Variants in PINLYP observed in about 807,000 individuals in gnomAD.
PINLYP encodes the protein phospholipase A2 inhibitor and LY6/PLAUR domain containing.
Under a neutral mutation model 15.8 loss-of-function variants are expected in PINLYP, and 12 were observed. The ratio of observed to expected loss-of-function variants is 0.76; its 90% CI spans 0.49 to 1.23. The LOEUF (loss-of-function observed/expected upper bound fraction) is 1.23, where lower values mean the gene tolerates loss of function less well. PINLYP is among the 50% of genes most tolerant of loss of function. The pLI, the probability that PINLYP is intolerant of heterozygous loss-of-function variation, is 0.00. For synonymous variants in PINLYP, 93 were observed against 97.7 expected (o/e 0.95, Z 0.28); for missense variants, 278 against 264.2 (o/e 1.05, Z -0.36).
Position 43,582,008 on chromosome 19 carries a change from A to G in PINLYP, c.*7A>G, listed in dbSNP as rs1182145193. On this transcript the variant is annotated 3_prime_UTR_variant, in exon 6 of 6. Coordinates refer to ENST00000599207, the Ensembl canonical transcript of PINLYP. ...GTGCACTCACTCCCCCTGAAAAGCTATCTGAACAGAGGAAGATAATGTAGT... is the reference window on the plus strand; with the variant it reads ...GTGCACTCACTCCCCCTGAAAAGCTGTCTGAACAGAGGAAGATAATGTAGT... 3.9e-6 allele frequency: 6 copies of G among 1,535,868 alleles called. No individual in the cohort carries two copies. The East Asian group carries it at 7.3e-5, about 19-fold the overall frequency.
At position 43,581,919 on chromosome 19, in the gene PINLYP, G is replaced by A. The variant is rs1972939914; in HGVS notation, c.533G>A (p.Cys178Tyr). The change falls in exon 6 of 6, where the codon TGC (cysteine) becomes TAC (tyrosine). Residue 178 changes from cysteine (C) to tyrosine (Y), a missense_variant. Transcript: ENST00000599207. ...CGGGGCTGTGCTACAGAGAGTATGT[G>A]CTTTACCAAGCCTGGTGCTGAAGTA... 2 of 1,536,612 alleles carry A rather than the reference G, an allele frequency of 1.3e-6. No individual in the cohort carries two copies. Among genetic ancestry groups the A allele is most frequent in the African/African-American group, 1.4e-5 (1 of 73,148 alleles).
chr19:43,576,984 TG>T, intron 1 of PINLYP, 65 bp downstream of exon 1: 1 of 849,420 alleles, frequency 1.2e-6, no homozygotes, highest in Non-Finnish European at 1.8e-6. Flanking sequence ...CCCAGACTCC[TG>T]GGGTCTCCAT....
chr19:43,577,041 C>T, intron 1 of PINLYP, 74 bp from the exon 2 acceptor site: 1 of 1,428,720 alleles, frequency 7.0e-7, no homozygotes, highest in Non-Finnish European at 9.3e-7. Context: ...CTTTTGGATT[C>T]TGGTTCTGCC....
chr19:43,579,070 A>G, intron 3 of PINLYP: 1 of 289,650 alleles, frequency 3.5e-6, no homozygotes, highest in Non-Finnish European at 6.8e-6. Flanking sequence ...AATGGTGGGG[A>G]GTGGATAGAG....
intron 2 of PINLYP, among the ~76,000 whole-genome samples, 195 bp downstream of exon 2, chr19:43,577,456 A>G (rs933942383): frequency 3.9e-5 from 6 of 152,106 alleles, no homozygotes; most frequent in Non-Finnish European, 7.4e-5. Context: ...CCAGAGAAGA[A>G]AAGCTCCTGT....
exon 1 of PINLYP, among the ~76,000 whole-genome samples, chr19:43,576,233 G>A (rs1056695351): frequency 2.0e-5 from 3 of 152,158 alleles, no homozygotes. Flanking sequence ...CAGCAAATCT[G>A]AGTGAATTTT....
chr19:43,577,669 G>A (rs1265581288), intron 2 of PINLYP, among the ~76,000 whole-genome samples: 1 of 151,834 alleles, frequency 6.6e-6, no homozygotes. Context: ...TTAAGAGGCC[G>A]AGGCAGGTGG....
intron 3 of PINLYP, among the ~76,000 whole-genome samples, chr19:43,580,161 G>C (rs1972912710): frequency 6.6e-6 from 1 of 152,112 alleles, no homozygotes. Context: ...AAATCACCCA[G>C]CCAGCGTTGG....
At position 43,576,355 on chromosome 19, in the gene PINLYP, A is replaced by C. The variant is rs1972862823; in HGVS notation, c.-642A>C. 4.6e-5 allele frequency among the ~76,000 whole-genome samples: 7 copies of C among 151,658 alleles called. No individual in the cohort carries two copies. The South Asian group carries it at 1.5e-3, about 32-fold the overall frequency. ...CACACACACACACACGCACATATAC[A>C]TACATACGCGCGCGCGCACGCGCGA... On this transcript the variant is annotated 5_prime_UTR_variant, in exon 1 of 6. Transcript: ENST00000599207.
At chr19:43,578,949 T>G in intron 3 of PINLYP, 2 of 415,956 alleles carry the variant, frequency 4.8e-6, no homozygotes, top group South Asian at 2.3e-5. Flanking sequence ...AAGGAAAATG[T>G]GGGAGGGGTG....
chr19:43,579,023 T>G, intron 3 of PINLYP: 5 of 276,114 alleles, frequency 1.8e-5, no homozygotes, highest in South Asian at 3.5e-5. Flanking sequence ...GGCAGAGAAA[T>G]AGTGAGAGGG....
chr19:43,581,895 G>C, exon 6 of PINLYP: 3 of 1,536,724 alleles, frequency 2.0e-6, no homozygotes, highest in Non-Finnish European at 2.6e-6. Flanking sequence ...TTTGCTATGC[G>C]GGGCTGTGCT....
At chr19:43,581,340 G>A in exon 4 of PINLYP, 2 of 1,536,798 alleles carry the variant, frequency 1.3e-6, no homozygotes, top group Non-Finnish European at 1.7e-6. Context: ...CCAGAGCGAC[G>A]GCTGCAACAG....
intron 3 of PINLYP, chr19:43,580,362 C>T: frequency 4.8e-6 from 1 of 209,848 alleles, no homozygotes; most frequent in African/African-American, 2.4e-5. Context: ...TGGAAGAACC[C>T]ACCTTAAACA....
chr19:43,580,684 G>C, intron 3 of PINLYP: 1 of 986,426 alleles, frequency 1.0e-6, no homozygotes, highest in Non-Finnish European at 1.2e-6. Context: ...GCAATGGGGA[G>C]CTGGAAGAGA....
In PINLYP at chr19:43,581,863, T is replaced by C; in HGVS notation, c.482-5T>C. ...CCTGATTCCAGTCTGAAATCTCCCT[T>C]TCAGGTATTTTCAAACCCAGATTTG... On this transcript the variant is annotated splice_region_variant and splice_polypyrimidine_tract_variant and intron_variant, in intron 5 of 5. Coordinates refer to ENST00000599207, the Ensembl canonical transcript of PINLYP. 6.5e-6 allele frequency: 10 copies of C among 1,536,686 alleles called. No homozygotes were observed. The highest frequency in any genetic ancestry group is 7.8e-6 in the Non-Finnish European group (9 of 1,147,024).
chr19:43,579,042 T>G, intron 3 of PINLYP: 1 of 279,666 alleles, frequency 3.6e-6, no homozygotes, highest in Non-Finnish European at 7.1e-6. Flanking sequence ...GGGAAGAATC[T>G]AACTGGCAGG....
exon 3 of PINLYP, chr19:43,578,681 G>T: frequency 6.5e-7 from 1 of 1,535,940 alleles, no homozygotes; most frequent in South Asian, 1.2e-5. Flanking sequence ...ACACATGTGT[G>T]CTCCTGGTCG....
rs1972856297 is a variant in PINLYP, at chr19:43,575,894, ATTTT to A, written c.-1102_-1099del. Reference sequence around the variant, plus strand: ...AAATCTTTTTGCTGTATTATTATTTATTTTATTTTTTAAAAATTTTTTGTTGAGA... The same window carrying A: ...AAATCTTTTTGCTGTATTATTATTTAATTTTTTAAAAATTTTTTGTTGAGA... On this transcript the variant is annotated 5_prime_UTR_variant, in exon 1 of 6. An upstream open reading frame in the 5' UTR gains an earlier in-frame stop. Transcript: ENST00000599207. 1 of 153,652 alleles carries A rather than the reference ATTTT, an allele frequency of 6.5e-6. No homozygotes were observed. 9.5% of individuals were successfully genotyped at this position (153,652 alleles called of 1,614,324 possible). A position where few individuals can be genotyped will look rare whatever the true frequency, so the allele number is the denominator to read the frequency against.
Sources: allele counts gnomAD v4.1 joint callset (sites outside exome capture counted in the v4.1 genomes callset), GRCh38; gene constraint gnomAD v4.1.1; transcripts MANE v1.5; gene names NCBI Gene and HGNC (gene_info 2026-07-23, HGNC 2026-07-21).